The following MYO19 variants were observed in gnomAD, a reference collection of about 807,000 sequenced individuals.
The protein encoded by MYO19 is myosin XIX.
In MYO19, 132 loss-of-function variants were observed where a neutral mutation model predicts 129.2. The observed-to-expected ratio is 1.02, with a 90% confidence interval of 0.89 to 1.18. The LOEUF (loss-of-function observed/expected upper bound fraction) is 1.18, where lower values mean the gene tolerates loss of function less well. Ranked by LOEUF, MYO19 falls within the 50% of genes most tolerant of loss-of-function variation. The probability of loss-of-function intolerance (pLI) is 0.00; values close to 1 mark genes in which losing one functional copy is unlikely to be tolerated. For missense variants in MYO19, 1,210 were observed against 1,216.7 expected, an observed-to-expected ratio of 0.99 and a Z score of 0.08; for synonymous variants, 531 against 477.2, an observed-to-expected ratio of 1.11 and a Z score of -1.47.
chr17:36,507,257 C>T, intron 16 of MYO19, 118 bp from the exon 17 acceptor site: 1 of 1,465,342 alleles, frequency 6.8e-7, no homozygotes, highest in Non-Finnish European at 9.3e-7. Context: ...ATAGTGTCCC[C>T]AACAGAAAAA....
rs1229820732 is a variant in MYO19, at chr17:36,501,254, C to A, written c.2081-19G>T. ...CACCATTCTGGGGGAGGGAGATGGC[C>A]CCATCAGTGCATGGTCATCTCTACA... On this transcript the variant is annotated intron_variant, in intron 21 of 25. Coordinates refer to ENST00000614623, the MANE Select transcript of MYO19 (RefSeq NM_001163735.2). The A allele has an allele frequency of 6.3e-7, 1 of 1,599,478 alleles. No individual in the cohort carries two copies. Among genetic ancestry groups the A allele is most frequent in the Middle Eastern group, 1.7e-4 (1 of 6,016 alleles).
intron 11 of MYO19, among the ~76,000 whole-genome samples, chr17:36,511,825 G>C (rs916076966): frequency 4.6e-5 from 7 of 152,142 alleles, no homozygotes; most frequent in Non-Finnish European, 7.3e-5. Context: ...GGAATAGACT[G>C]GTGACTGGGG....
chr17:36,502,838 A>C, intron 21 of MYO19: 1 of 542,386 alleles, frequency 1.8e-6, no homozygotes, highest in Non-Finnish European at 3.3e-6. Flanking sequence ...AATCCAATTT[A>C]TTCTCAGATA....
chr17:36,505,205 T>G (rs1221084060), intron 19 of MYO19, 92 bp downstream of exon 19: 1 of 1,153,342 alleles, frequency 8.7e-7, no homozygotes, highest in Non-Finnish European at 1.3e-6. Flanking sequence ...TTCTGTGCAC[T>G]CCATTTGGAA....
At chr17:36,537,607 T>C, upstream of MYO19, 1 of 1,614,162 alleles carries the variant, frequency 6.2e-7, no homozygotes, top group South Asian at 1.1e-5. Flanking sequence ...GCAATGGATT[T>C]TGGAGTAGGT....
At position 36,515,857 on chromosome 17, in the gene MYO19, C is replaced by A. The variant is rs756831238; in HGVS notation, c.547+1G>T. 3 of 1,610,506 alleles carry A rather than the reference C, an allele frequency of 1.9e-6. No homozygotes were observed. The East Asian group carries it at 6.7e-5, about 36-fold the overall frequency. On this transcript the variant is annotated splice_donor_variant, in intron 7 of 25. Transcript: ENST00000614623. LOFTEE classifies it high-confidence loss of function. ...TACTGTGCAAAGGAGCCCAAGCTCA[C>A]CAAAAGCTTCCATGACAGGGTTGGA...
At chr17:36,532,349 G>A (rs1006705148) in intron 3 of MYO19, among the ~76,000 whole-genome samples, 178 bp downstream of exon 3, 140 of 152,280 alleles carry the variant, frequency 9.2e-4, no homozygotes, top group African/African-American at 3.3e-3. Context: ...AAAACCACAA[G>A]ACAGATTCAA....
chr17:36,509,372 G>A (rs938093964), intron 13 of MYO19: 35 of 580,458 alleles, frequency 6.0e-5, no homozygotes, highest in African/African-American at 5.8e-4. Flanking sequence ...GTCCTTATGG[G>A]AAGACTGAGC....
intron 13 of MYO19, 25 bp downstream of exon 13, chr17:36,510,721 A>G (rs1362108954): frequency 1.3e-6 from 2 of 1,569,884 alleles, no homozygotes; most frequent in East Asian, 2.3e-5. Flanking sequence ...GTCCTCCCCA[A>G]CAAGGGGCCA....
chr17:36,540,266 G>T (rs1008807129), intron 2 of MYO19, among the ~76,000 whole-genome samples: 3 of 152,082 alleles, frequency 2.0e-5, no homozygotes, highest in Admixed American at 6.6e-5. Flanking sequence ...GCCCAGGCTG[G>T]TCTCAAATTC....
chr17:36,527,997 G>A, intron 4 of MYO19, 67 bp downstream of exon 4: 1 of 1,569,710 alleles, frequency 6.4e-7, no homozygotes, highest in Non-Finnish European at 8.7e-7. Flanking sequence ...GAGAAGCTGT[G>A]CTGACTACTC....
At chr17:36,533,478 C>G (rs1296240941) in intron 2 of MYO19, 3 of 152,144 alleles carry the variant, frequency 2.0e-5, no homozygotes, top group Non-Finnish European at 4.4e-5. Flanking sequence ...GCCTTGGCAC[C>G]ACCCCTAGCA....
At chr17:36,542,458 G>A (rs1476246030) in intron 1 of MYO19, among the ~76,000 whole-genome samples, 1 of 152,126 alleles carries the variant, frequency 6.6e-6, no homozygotes, top group African/African-American at 2.4e-5. Flanking sequence ...CCAGCACTTT[G>A]GGAGGCCGAG....
At position 36,509,146 on chromosome 17, in the gene MYO19, A is replaced by G. The variant is rs1478388154; in HGVS notation, c.1158-11T>C. 1.2e-6 allele frequency: 2 copies of G among 1,613,242 alleles called. No individual in the cohort carries two copies. The highest frequency in any genetic ancestry group is 2.2e-5 in the South Asian group (2 of 90,916). ...AGCCAGTCAAACAACCTGTTGGGGG[A>G]AGAGAGTGGACTCTGGTAAGAGGGT... On this transcript the variant is annotated splice_polypyrimidine_tract_variant and intron_variant, in intron 13 of 25. Coordinates refer to ENST00000614623, the MANE Select transcript of MYO19 (RefSeq NM_001163735.2).
At chr17:36,511,227 C>A in intron 12 of MYO19, 138 bp downstream of exon 12, 1 of 895,792 alleles carries the variant, frequency 1.1e-6, no homozygotes, top group South Asian at 1.6e-5. Flanking sequence ...AGTAAATGAT[C>A]CAGGGCCAGG....
chr17:36,529,412 G>A (rs554328009), intron 3 of MYO19, among the ~76,000 whole-genome samples: 24 of 152,316 alleles, frequency 1.6e-4, no homozygotes, highest in African/African-American at 5.8e-4. Flanking sequence ...GAAAGACAGA[G>A]TGGGGGTTGA....
At chr17:36,540,855 A>C (rs76603325) in intron 2 of MYO19, among the ~76,000 whole-genome samples, 6,335 of 152,322 alleles carry the variant, frequency 0.042, 184 homozygotes, top group African/African-American at 0.071. Flanking sequence ...TCTTCTAATC[A>C]ACTATCATTT....
At chr17:36,496,556 A>G in intron 25 of MYO19, 150 bp from the exon 26 acceptor site, 1 of 714,060 alleles carries the variant, frequency 1.4e-6, no homozygotes, top group Non-Finnish European at 2.3e-6. Flanking sequence ...CATTACATCC[A>G]CTCAGTGTGA....
intron 21 of MYO19, 133 bp from the exon 22 acceptor site, chr17:36,501,368 C>T (rs2071517482): frequency 1.1e-6 from 1 of 941,470 alleles, no homozygotes; most frequent in Non-Finnish European, 1.5e-6. Context: ...CCATTTTCTC[C>T]TTGTTCTTCT....
Sources: allele counts gnomAD v4.1 joint callset (sites outside exome capture counted in the v4.1 genomes callset), GRCh38; gene constraint gnomAD v4.1.1; transcripts MANE v1.5; gene names NCBI Gene and HGNC (gene_info 2026-07-23, HGNC 2026-07-21).